ADAM29: variants seen among roughly 807,000 people sequenced by gnomAD.
ADAM29 encodes disintegrin and metalloproteinase domain-containing protein 29.
For synonymous variants in ADAM29, 367 were observed against 342.3 expected (o/e 1.07, Z -0.80); for missense variants, 969 against 1,001.8 (o/e 0.97, Z 0.44).
intron 4 of ADAM29, among the ~76,000 whole-genome samples, chr4:174,953,688 T>C (rs1745319680): frequency 6.6e-6 from 1 of 152,150 alleles, no homozygotes; most frequent in South Asian, 2.1e-4. Flanking sequence ...GAAAAATTGG[T>C]ACATTATGAC....
chr4:174,971,199 G>A (rs537272278), intron 4 of ADAM29, among the ~76,000 whole-genome samples: 12 of 152,058 alleles, frequency 7.9e-5, no homozygotes, highest in Non-Finnish European at 1.6e-4. Context: ...CCTTAAATAT[G>A]TACAATAACA....
intron 4 of ADAM29, among the ~76,000 whole-genome samples, chr4:174,963,745 C>T (rs962921379): frequency 4.6e-5 from 7 of 152,038 alleles, no homozygotes; most frequent in Admixed American, 2.6e-4. Flanking sequence ...TGCAGTGGCA[C>T]GATCTCGGCT....
In ADAM29 at chr4:174,977,669, C is replaced by T. The variant is rs746937720; in HGVS notation, c.2144C>T (p.Ala715Val). The T allele has an allele frequency of 3.1e-6, 5 of 1,614,126 alleles. No homozygotes were observed. The African/African-American group carries it at 6.7e-5, about 22-fold the overall frequency. ...KKQQDVQTPS[A>V]KEEEKIQRRP... ...CAGCAAGATGTTCAAACTCCATCTG[C>T]AAAAGAAGAGGAAAAAATTCAGCGT... The change falls in exon 5 of 5, where the codon GCA becomes GTA. Residue 715 changes from alanine to valine, a missense_variant. Coordinates refer to ENST00000359240, the MANE Select transcript of ADAM29 (RefSeq NM_014269.4).
At chr4:174,925,921 T>C (rs1743489445) in intron 2 of ADAM29, among the ~76,000 whole-genome samples, 1 of 152,202 alleles carries the variant, frequency 6.6e-6, no homozygotes, top group Non-Finnish European at 1.5e-5. Flanking sequence ...ATGCTTCTGA[T>C]ATGGGATCAC....
intron 4 of ADAM29, among the ~76,000 whole-genome samples, chr4:174,970,925 G>A (rs1746440849): frequency 6.6e-6 from 1 of 151,778 alleles, no homozygotes; most frequent in African/African-American, 2.4e-5. Flanking sequence ...CTGCTTAATA[G>A]TCTATTTTAA....
intron 4 of ADAM29, among the ~76,000 whole-genome samples, chr4:174,954,856 T>A (rs975236677): frequency 2.0e-5 from 3 of 152,180 alleles, no homozygotes; most frequent in Non-Finnish European, 4.4e-5. Context: ...TATGTCTGTT[T>A]ATTTTTAAAT....
intron 4 of ADAM29, among the ~76,000 whole-genome samples, chr4:174,957,744 C>T (rs1418403236): frequency 4.0e-5 from 6 of 151,654 alleles, no homozygotes; most frequent in Non-Finnish European, 8.9e-5. Context: ...ATTTTTCAGT[C>T]TGTGTATTAT....
At chr4:174,955,822 AT>A (rs1221441236) in intron 4 of ADAM29, among the ~76,000 whole-genome samples, 1 of 152,056 alleles carries the variant, frequency 6.6e-6, no homozygotes, top group Admixed American at 6.6e-5. Context: ...TTCCTTGGAA[AT>A]TACCAAAAGG....
chr4:174,961,491 T>C (rs926808375), intron 4 of ADAM29, among the ~76,000 whole-genome samples: 1 of 152,042 alleles, frequency 6.6e-6, no homozygotes. Flanking sequence ...GTGATTCTAA[T>C]GCTTTTAGTA....
chr4:174,959,130 T>A (rs1745668435), intron 4 of ADAM29, among the ~76,000 whole-genome samples: 1 of 151,792 alleles, frequency 6.6e-6, no homozygotes, highest in Non-Finnish European at 1.5e-5. Flanking sequence ...CCGGAAAAAC[T>A]TTTTTTAACA....
chr4:174,935,188 C>T lies in ADAM29; in HGVS notation c.-261-1745C>T, dbSNP rs73869047. On this transcript the variant is annotated intron_variant, in intron 3 of 4. Transcript: ENST00000359240. ...GTTAACTTCCTTAGATAAGATCTCTCTGTTGTCAGTTCTCAAATAAAATAA... is the reference window on the plus strand; with the variant it reads ...GTTAACTTCCTTAGATAAGATCTCTTTGTTGTCAGTTCTCAAATAAAATAA... Among the ~76,000 whole-genome samples, 1,058 of 152,192 alleles carry T rather than the reference C, an allele frequency of 7.0e-3. 8 individuals are homozygous for T. The highest frequency in any genetic ancestry group is 0.024 in the African/African-American group (1,010 of 41,538).
chr4:174,933,199 C>A (rs1291300489), intron 3 of ADAM29, among the ~76,000 whole-genome samples: 1 of 152,134 alleles, frequency 6.6e-6, no homozygotes, highest in African/African-American at 2.4e-5. Flanking sequence ...AGAATAGGAT[C>A]CCAGCAGAGG....
intron 4 of ADAM29, among the ~76,000 whole-genome samples, chr4:174,967,965 G>T (rs550708419): frequency 1.3e-5 from 2 of 152,048 alleles, no homozygotes; most frequent in East Asian, 1.9e-4. Context: ...GAATAATTTT[G>T]CTATCAAATA....
chr4:174,930,155 C>A (rs1482569410), intron 2 of ADAM29, among the ~76,000 whole-genome samples: 1 of 152,140 alleles, frequency 6.6e-6, no homozygotes, highest in Non-Finnish European at 1.5e-5. Flanking sequence ...GTCTCGATCT[C>A]CTGACCTCAA....
Position 174,967,451 on chromosome 4 carries a change from A to C in ADAM29, c.-180-7895A>C, listed in dbSNP as rs181548650. On this transcript the variant is annotated intron_variant, in intron 4 of 4. Transcript: ENST00000359240. ...CTACCCTCTTTTGCTATTTTCCAAAATTTGTTAAGTTGCTCACAAAGTGGC... is the reference window on the plus strand; with the variant it reads ...CTACCCTCTTTTGCTATTTTCCAAACTTTGTTAAGTTGCTCACAAAGTGGC... 1.5e-3 allele frequency among the ~76,000 whole-genome samples: 234 copies of C among 152,284 alleles called. 2 individuals are homozygous for C. Among genetic ancestry groups the C allele is most frequent in the Non-Finnish European group, 1.0e-3 (70 of 68,030 alleles).
At position 174,976,548 on chromosome 4, in the gene ADAM29, C is replaced by T. The variant is rs139639361; in HGVS notation, c.1023C>T (p.Asn341=). The part of the protein sequence containing the change: ...AHHLGHNLGM[N]HDEDTCRCSQ... The stretch of plus-strand genomic sequence containing the variant: ...ATCTAGGTCATAATTTGGGCATGAA[C>T]CATGATGAGGATACATGTCGTTGTT... The change falls in exon 5 of 5, where the codon AAC becomes AAT. Residue 341 remains asparagine, a synonymous_variant. Transcript: ENST00000359240. 3.2e-4 allele frequency: 520 copies of T among 1,602,870 alleles called. No individual in the cohort carries two copies. Among genetic ancestry groups the T allele is most frequent in the Non-Finnish European group, 4.0e-4 (474 of 1,175,060 alleles).
chr4:174,947,306 G>C (rs1168735845), intron 4 of ADAM29, among the ~76,000 whole-genome samples: 1 of 151,988 alleles, frequency 6.6e-6, no homozygotes, highest in Non-Finnish European at 1.5e-5. Flanking sequence ...GGGTTGGTTT[G>C]CTATTATTTT....
At chr4:174,943,345 G>A (rs1216298157) in intron 4 of ADAM29, among the ~76,000 whole-genome samples, 4 of 152,072 alleles carry the variant, frequency 2.6e-5, no homozygotes, top group African/African-American at 9.7e-5. Context: ...GCAATTCTCT[G>A]TATTGGTCCA....
intron 4 of ADAM29, among the ~76,000 whole-genome samples, chr4:174,962,866 A>G (rs141530364): frequency 6.8e-4 from 104 of 152,324 alleles, no homozygotes; most frequent in African/African-American, 2.4e-3. Flanking sequence ...AGAGCAATTT[A>G]GTGTTGATAA....
Sources: gnomAD v4.1 joint callset for allele counts (sites outside exome capture counted in the v4.1 genomes callset) on GRCh38, gnomAD v4.1.1 for gene constraint, MANE v1.5 for transcripts, NCBI Gene and HGNC (gene_info 2026-07-23, HGNC 2026-07-21) for gene names.